Variants in SH3GL1 observed in about 807,000 individuals in gnomAD.
SH3GL1 encodes SH3 domain containing GRB2 like 1, endophilin A2, also known as endophilin-A2.
In SH3GL1, 21 loss-of-function variants were observed where a neutral mutation model predicts 48.8. The observed-to-expected ratio is 0.43, with a 90% confidence interval of 0.30 to 0.62. SH3GL1 has a LOEUF of 0.62. Among genes scored for constraint, SH3GL1 ranks in the 20% least tolerant of loss-of-function variants. The pLI is 0.11. For synonymous variants in SH3GL1, 282 were observed against 217.5 expected (o/e 1.30, Z -2.61); for missense variants, 454 against 503.0 (o/e 0.90, Z 0.93).
chr19:4,382,253 C>CTTT (rs34085741), intron 1 of SH3GL1, among the ~76,000 whole-genome samples: 405 of 102,296 alleles, frequency 4.0e-3, no homozygotes, highest in Middle Eastern at 7.5e-3. Flanking sequence ...GCTCCGCTTT[C>CTTT]TTTTTTTTTT....
intron 1 of SH3GL1, among the ~76,000 whole-genome samples, chr19:4,372,888 A>C (rs989288989): frequency 1.2e-4 from 18 of 151,774 alleles, no homozygotes; most frequent in African/African-American, 3.9e-4. Flanking sequence ...TGGCATGGGG[A>C]CTCTCCAGAC....
At position 4,400,253 on chromosome 19, in the gene SH3GL1, G is replaced by A; in HGVS notation, c.45+71C>T. Reference sequence around the variant, plus strand: ...GTCCCCCCGGCCCCCTCCCGGGCCAGGTCGGGCCTGGCTCCCTCATCCGGG... The same window carrying A: ...GTCCCCCCGGCCCCCTCCCGGGCCAAGTCGGGCCTGGCTCCCTCATCCGGG... On this transcript the variant is annotated intron_variant, in intron 1 of 9. Transcript: ENST00000269886. This position sits in a 1 kb window ranked among gnomAD's most constrained non-coding sequence, Gnocchi z 4.1. The A allele has an allele frequency of 6.6e-7, 1 of 1,525,402 alleles. No homozygotes were observed. The highest frequency in any genetic ancestry group is 8.9e-7 in the Non-Finnish European group (1 of 1,127,756). 94.5% of individuals were successfully genotyped at this position (1,525,402 alleles called of 1,614,324 possible).
intron 3 of SH3GL1, among the ~76,000 whole-genome samples, chr19:4,365,850 ACCT>A (rs548808878): frequency 6.6e-6 from 1 of 152,016 alleles, no homozygotes; most frequent in Middle Eastern, 3.4e-3. Flanking sequence ...AGGGGGCAAA[ACCT>A]CCTCCTTCCA....
chr19:4,378,840 C>T lies in SH3GL1; in HGVS notation c.46-11846G>A, dbSNP rs560961064. Among the ~76,000 whole-genome samples, 10 of 152,358 alleles carry T rather than the reference C, an allele frequency of 6.6e-5. No homozygotes were observed. The East Asian group carries it at 9.6e-4, about 15-fold the overall frequency. On this transcript the variant is annotated intron_variant, in intron 1 of 9. Transcript: ENST00000269886. The stretch of plus-strand genomic sequence containing the variant: ...GGCCAGGGGTTTCACCTCCGCCCCA[C>T]GACACTGCCTCTGAGCCCAGTTTTT...
At position 4,383,065 on chromosome 19, in the gene SH3GL1, C is replaced by T. The variant is rs935141506; in HGVS notation, c.46-16071G>A. ...TTCTGAGTAATTGTGATTACAAGTACACACCACCACGCCTGGCTAATTTTG... is the reference window on the plus strand; with the variant it reads ...TTCTGAGTAATTGTGATTACAAGTATACACCACCACGCCTGGCTAATTTTG... On this transcript the variant is annotated intron_variant, in intron 1 of 9. Coordinates refer to ENST00000269886, the MANE Select transcript of SH3GL1 (RefSeq NM_003025.4). 3.3e-5 allele frequency among the ~76,000 whole-genome samples: 5 copies of T among 152,234 alleles called. No individual in the cohort carries two copies. The South Asian group carries it at 1.0e-3, about 32-fold the overall frequency.
intron 1 of SH3GL1, among the ~76,000 whole-genome samples, chr19:4,382,883 T>C (rs1973163808): frequency 6.6e-6 from 1 of 152,208 alleles, no homozygotes; most frequent in Non-Finnish European, 1.5e-5. Context: ...TCACAACATG[T>C]TCATCAAATG....
intron 1 of SH3GL1, among the ~76,000 whole-genome samples, chr19:4,394,246 G>A (rs1021518477): frequency 1.3e-5 from 2 of 151,596 alleles, no homozygotes; most frequent in Non-Finnish European, 2.9e-5. Context: ...AGCAGCTTAA[G>A]CCTGGAAATA....
intron 1 of SH3GL1, among the ~76,000 whole-genome samples, chr19:4,373,870 G>A (rs1444239324): frequency 6.6e-6 from 1 of 152,184 alleles, no homozygotes; most frequent in Non-Finnish European, 1.5e-5. Context: ...AAGACAGCCA[G>A]ACATTGGGGG....
intron 9 of SH3GL1, 55 bp from the exon 10 acceptor site, chr19:4,361,851 T>C (rs1972625643): frequency 3.8e-6 from 5 of 1,308,418 alleles, no homozygotes; most frequent in Non-Finnish European, 4.3e-6. Context: ...CCCCGCCCAG[T>C]CTGGGGTCTC....
chr19:4,391,068 G>T (rs1183964946), intron 1 of SH3GL1, among the ~76,000 whole-genome samples: 2 of 152,210 alleles, frequency 1.3e-5, no homozygotes, highest in African/African-American at 4.8e-5. Flanking sequence ...AGAGACACAG[G>T]CAGGTCTGAG....
chr19:4,392,858 C>T (rs1488655492), intron 1 of SH3GL1, among the ~76,000 whole-genome samples: 1 of 152,174 alleles, frequency 6.6e-6, no homozygotes, highest in Non-Finnish European at 1.5e-5. Context: ...AGGAGAATCG[C>T]TTGAACTGGG....
At chr19:4,366,885 G>A in intron 2 of SH3GL1, 41 bp downstream of exon 2, 2 of 1,588,824 alleles carry the variant, frequency 1.3e-6, no homozygotes, top group African/African-American at 2.7e-5. Flanking sequence ...TCAGGCCCCA[G>A]CAGTGCCACC....
chr19:4,365,609 C>T lies in SH3GL1; in HGVS notation c.204G>A (p.Leu68=), dbSNP rs149369231. 8.6e-5 allele frequency: 139 copies of T among 1,614,010 alleles called. No homozygotes were observed. The highest frequency in any genetic ancestry group is 1.1e-4 in the Non-Finnish European group (133 of 1,180,044). Residue 68 remains leucine, a synonymous_variant, in exon 4 of 10, where the codon CTG becomes CTA. Transcript: ENST00000269886. ...LQPNPASRAK[L]TMLNTVSKIR... is the part of the protein sequence containing the mutation. Reference sequence around the variant, plus strand: ...TCTTGGACACCGTGTTGAGCATGGTCAGCTTAGCCCGCGAGGCTGGGATAG... The same window carrying T: ...TCTTGGACACCGTGTTGAGCATGGTTAGCTTAGCCCGCGAGGCTGGGATAG...
intron 1 of SH3GL1, among the ~76,000 whole-genome samples, chr19:4,386,255 G>A (rs930776156): frequency 3.3e-5 from 5 of 152,142 alleles, no homozygotes; most frequent in African/African-American, 7.2e-5. Context: ...CCACAGAGGC[G>A]GGTGGCAAGG....
At chr19:4,378,071 C>A (rs1329538432) in intron 1 of SH3GL1, among the ~76,000 whole-genome samples, 1 of 152,206 alleles carries the variant, frequency 6.6e-6, no homozygotes, top group Non-Finnish European at 1.5e-5. Flanking sequence ...GCCAGCAGGG[C>A]CAGGCACAGG....
At chr19:4,392,641 A>C (rs1472180948) in intron 1 of SH3GL1, among the ~76,000 whole-genome samples, 1 of 151,840 alleles carries the variant, frequency 6.6e-6, no homozygotes, top group African/African-American at 2.4e-5. Context: ...GGCCCCACAA[A>C]GTGAGGTTTT....
intron 1 of SH3GL1, among the ~76,000 whole-genome samples, chr19:4,397,259 G>A (rs1305295454): frequency 2.6e-5 from 4 of 152,178 alleles, no homozygotes; most frequent in South Asian, 2.1e-4. Flanking sequence ...AGGCCAAGAC[G>A]ACAGCCCCGA....
intron 1 of SH3GL1, among the ~76,000 whole-genome samples, chr19:4,381,102 TTTGC>T (rs1973113389): frequency 1.2e-5 from 1 of 80,714 alleles, no homozygotes; most frequent in African/African-American, 5.9e-5. Flanking sequence ...CTCTGTCCCC[TTTGC>T]CTCTGTCCCC....
At chr19:4,375,649 C>T (rs759378807) in intron 1 of SH3GL1, among the ~76,000 whole-genome samples, 12 of 152,216 alleles carry the variant, frequency 7.9e-5, no homozygotes, top group Non-Finnish European at 1.5e-4. Context: ...CCAGCCCGAG[C>T]GAACACATCT....
Sources: allele counts gnomAD v4.1 joint callset (sites outside exome capture counted in the v4.1 genomes callset), GRCh38; gene constraint gnomAD v4.1.1; non-coding constraint Gnocchi (gnomAD v3.1); transcripts MANE v1.5; gene names NCBI Gene and HGNC (gene_info 2026-07-23, HGNC 2026-07-21).